The following HGF variants were observed in gnomAD, a reference collection of about 807,000 sequenced individuals.
HGF encodes the protein fibroblast-derived tumor cytotoxic factor.
In HGF, 39 loss-of-function variants were observed where a neutral mutation model predicts 111.6. The ratio of observed to expected loss-of-function variants is 0.35; its 90% confidence interval spans 0.27 to 0.46. The LOEUF is 0.46. Among genes scored for constraint, HGF ranks in the 20% least tolerant of loss-of-function variants. The pLI is 1.00. For synonymous variants in HGF, 285 were observed against 294.8 expected, an observed-to-expected ratio of 0.97 and a Z score of 0.34; for missense variants, 735 against 910.5, an observed-to-expected ratio of 0.81 and a Z score of 2.48.
chr7:81,723,255 A>G (rs2040964), intron 9 of HGF, among the ~76,000 whole-genome samples: 113,649 of 152,042 alleles, frequency 0.75, 43,485 homozygotes, highest in Middle Eastern at 0.88. Flanking sequence ...ATGGAATGGC[A>G]TGGAAGCAAG....
In HGF at chr7:81,714,702, T is replaced by C. The variant is rs1789665138; in HGVS notation, c.1405+2530A>G. 2.0e-5 allele frequency among the ~76,000 whole-genome samples: 3 copies of C among 151,542 alleles called. No homozygotes were observed. In the South Asian group the frequency reaches 6.2e-4, roughly 31 times the overall value. On this transcript the variant is annotated intron_variant, in intron 11 of 17. Transcript: ENST00000222390. ...TGTAAAATATTATTTTGTAAGCATGTTAAAAAAAAGAATAAAAACCTTTAC... is the reference window on the plus strand; with the variant it reads ...TGTAAAATATTATTTTGTAAGCATGCTAAAAAAAAGAATAAAAACCTTTAC...
At chr7:81,743,299 C>CT in intron 7 of HGF, 54 bp downstream of exon 7, 2 of 1,006,764 alleles carry the variant, frequency 2.0e-6, no homozygotes, top group Non-Finnish European at 3.2e-6. Flanking sequence ...TAATCGCCTG[C>CT]TTAGATCCAG....
chr7:81,714,605 G>A (rs529782632), intron 11 of HGF, among the ~76,000 whole-genome samples: 2 of 152,116 alleles, frequency 1.3e-5, no homozygotes, highest in East Asian at 3.9e-4. Context: ...TATACTAACT[G>A]TGTCTGTGTA....
rs756224070 is a variant in HGF, at chr7:81,743,383, G to A, written c.835C>T (p.Arg279Cys). 3.1e-6 allele frequency: 5 copies of A among 1,611,054 alleles called. No homozygotes were observed. Among genetic ancestry groups the A allele is most frequent in the East Asian group, 2.2e-5 (1 of 44,860 alleles). The change falls in exon 7 of 18, where the codon CGC becomes TGC. Residue 279 changes from arginine to cysteine, a missense_variant. This residue lies in a region of HGF where 553 missense variants were observed against 685.6 expected (regional missense o/e 0.81). Coordinates refer to ENST00000222390, the MANE Select transcript of HGF (RefSeq NM_000601.6). ...GTTTTAATTGCACAGTACTCCCAGC[G>A]GGTGTGAGGGTCAAGAGTATAGCAC... ...PWCYTLDPHT[R>C]WEYCAIKTCA... is the part of the protein sequence containing the mutation.
At chr7:81,726,199 C>A (rs1051107825) in intron 8 of HGF, among the ~76,000 whole-genome samples, 182 bp from the exon 9 acceptor site, 1 of 152,162 alleles carries the variant, frequency 6.6e-6, no homozygotes, top group Admixed American at 6.5e-5. Context: ...GCCCAAATTA[C>A]TGAAATAAAT....
In HGF at chr7:81,705,628, C is replaced by G. The variant is rs2115764434; in HGVS notation, c.1864+19G>C. The G allele has an allele frequency of 6.3e-7, 1 of 1,598,996 alleles. No individual in the cohort carries two copies. Among genetic ancestry groups the G allele is most frequent in the Non-Finnish European group, 8.6e-7 (1 of 1,166,820 alleles). Reference sequence around the variant, plus strand: ...TAAAATAAAATAAATATGGCCTCATCTTTTGAAAACTAGCTTACATCCAGT... The same window carrying G: ...TAAAATAAAATAAATATGGCCTCATGTTTTGAAAACTAGCTTACATCCAGT... On this transcript the variant is annotated intron_variant, in intron 16 of 17. Coordinates refer to ENST00000222390, the MANE Select transcript of HGF (RefSeq NM_000601.6).
intron 17 of HGF, among the ~76,000 whole-genome samples, chr7:81,703,275 G>A (rs1583910674): frequency 6.8e-6 from 1 of 147,572 alleles, no homozygotes; most frequent in African/African-American, 2.5e-5. Flanking sequence ...TGCCCTACAT[G>A]ATCTTAACAA....
chr7:81,757,665 TATTGA>T (rs1488413806), intron 3 of HGF, among the ~76,000 whole-genome samples: 3 of 152,160 alleles, frequency 2.0e-5, no homozygotes, highest in Non-Finnish European at 4.4e-5. Context: ...TTAAAACCTA[TATTGA>T]ATTCAAAAAG....
At chr7:81,763,534 A>G (rs1326570235) in intron 1 of HGF, among the ~76,000 whole-genome samples, 1 of 152,202 alleles carries the variant, frequency 6.6e-6, no homozygotes, top group Non-Finnish European at 1.5e-5. Flanking sequence ...ATGCAGCAAT[A>G]TCATTTTTCT....
At chr7:81,752,961 T>C (rs1398733481) in intron 4 of HGF, among the ~76,000 whole-genome samples, 1 of 152,090 alleles carries the variant, frequency 6.6e-6, no homozygotes, top group Non-Finnish European at 1.5e-5. Flanking sequence ...TAACAAATGC[T>C]ACCTCTTATT....
intron 7 of HGF, among the ~76,000 whole-genome samples, chr7:81,735,707 C>T (rs998083001): frequency 2.4e-4 from 37 of 152,012 alleles, no homozygotes; most frequent in Non-Finnish European, 2.8e-4. Context: ...TTAGTCTGCT[C>T]TTGCTGCCAT....
intron 2 of HGF, 88 bp from the exon 3 acceptor site, chr7:81,758,892 C>A: frequency 1.2e-6 from 1 of 821,010 alleles, no homozygotes; most frequent in South Asian, 1.4e-5. Context: ...TGTCCATGGG[C>A]ATATGGACAA....
At chr7:81,705,838 A>G (rs1789410780) in intron 15 of HGF, 85 bp from the exon 16 acceptor site, 17 of 814,312 alleles carry the variant, frequency 2.1e-5, no homozygotes, top group Non-Finnish European at 3.2e-5. Flanking sequence ...CATGTTTAAT[A>G]TGGCATTTAC....
intron 17 of HGF, among the ~76,000 whole-genome samples, chr7:81,704,504 A>C (rs1789370639): frequency 6.6e-6 from 1 of 151,832 alleles, no homozygotes; most frequent in Non-Finnish European, 1.5e-5. Flanking sequence ...TAAACATATA[A>C]TCTGTTTCTA....
intron 17 of HGF, among the ~76,000 whole-genome samples, chr7:81,704,408 C>A (rs1261732837): frequency 1.3e-5 from 2 of 151,548 alleles, no homozygotes; most frequent in Admixed American, 1.3e-4. Flanking sequence ...TCATTTATTT[C>A]TCCTAGTAAA....
At chr7:81,751,139 T>C (rs1032926456) in intron 5 of HGF, 6 of 899,042 alleles carry the variant, frequency 6.7e-6, no homozygotes, top group Non-Finnish European at 8.0e-6. Context: ...ATTAAATGAA[T>C]ATTTATGGAG....
At chr7:81,707,263 A>C in intron 14 of HGF, 27 bp downstream of exon 14, 3 of 1,339,658 alleles carry the variant, frequency 2.2e-6, no homozygotes, top group Non-Finnish European at 2.1e-6. Flanking sequence ...AAGGCTCAAA[A>C]TAATACTAGT....
chr7:81,709,576 G>T (rs537692100), intron 13 of HGF, among the ~76,000 whole-genome samples: 7 of 152,136 alleles, frequency 4.6e-5, no homozygotes, highest in Admixed American at 2.6e-4. Flanking sequence ...ATTCTTAAGA[G>T]CATTGAGAAA....
chr7:81,744,159 A>G (rs1015585312), intron 6 of HGF, among the ~76,000 whole-genome samples: 1 of 152,210 alleles, frequency 6.6e-6, no homozygotes, highest in Non-Finnish European at 1.5e-5. Context: ...AACACCTAAC[A>G]GCAATTTCCA....
Sources: gnomAD v4.1 joint callset for allele counts (sites outside exome capture counted in the v4.1 genomes callset) on GRCh38, gnomAD v4.1.1 for gene constraint, gnomAD v4.1.1 regional missense constraint, MANE v1.5 for transcripts, NCBI Gene and HGNC (gene_info 2026-07-23, HGNC 2026-07-21) for gene names.